Variants in STIM2 observed in about 807,000 individuals in gnomAD.
STIM2 encodes stromal interaction molecule 2.
STIM2 carries 31 observed loss-of-function variants against 85.8 expected under a neutral mutation model. The observed-to-expected ratio is 0.36, with a 90% confidence interval of 0.27 to 0.49. The LOEUF is 0.49. Among genes scored for constraint, STIM2 ranks in the 20% least tolerant of loss-of-function variants. The pLI is 0.98. For synonymous variants in STIM2, 356 were observed against 331.1 expected (o/e 1.08, Z -0.82); for missense variants, 841 against 927.6 (o/e 0.91, Z 1.21).
chr4:27,002,541 A>G (rs953611145), intron 6 of STIM2, 147 bp downstream of exon 6: 1 of 571,712 alleles, frequency 1.7e-6, no homozygotes, highest in South Asian at 3.5e-5. Context: ...TTAGAAAAGT[A>G]TACTTTTATA....
chr4:27,003,080 G>T lies in STIM2; in HGVS notation c.957G>T (p.Gln319His). 6.3e-7 allele frequency: 1 copy of T among 1,586,124 alleles called. No homozygotes were observed. The highest frequency in any genetic ancestry group is 2.3e-5 in the East Asian group (1 of 42,676). ...CTGAATGTGAATTGAGTAGACGTCA[G>T]TATGCAGAACAGGAATTGGAACAGG... The change falls in exon 7 of 12, where the codon CAG becomes CAT. Residue 319 changes from glutamine to histidine, a missense_variant. Coordinates refer to ENST00000467087, the MANE Select transcript of STIM2 (RefSeq NM_020860.4).
chr4:26,947,867 A>T (rs969294719), intron 2 of STIM2, among the ~76,000 whole-genome samples: 1 of 152,232 alleles, frequency 6.6e-6, no homozygotes, highest in South Asian at 2.1e-4. Flanking sequence ...CAAAAGCCTT[A>T]TAATCGTATG....
In STIM2 at chr4:27,022,665, G is replaced by A. The variant is rs772725492; in HGVS notation, c.1910G>A (p.Arg637Gln). 66 of 1,614,060 alleles carry A rather than the reference G, an allele frequency of 4.1e-5. 1 individual carries two copies. Among genetic ancestry groups the A allele is most frequent in the Admixed American group, 1.8e-4 (11 of 60,008 alleles). Residue 637 changes from arginine to glutamine, a missense_variant, in exon 12 of 12, where the codon CGA (arginine) becomes CAA (glutamine). By Grantham distance (43) the Arg-to-Gln change is conservative. Around this residue, in one of 3 missense-constraint regions of STIM2, gnomAD observed 293 missense variants for 284.5 expected, o/e 1.03. Coordinates refer to ENST00000467087, the MANE Select transcript of STIM2 (RefSeq NM_020860.4). ...GAGGTGTCCCTAGAGGATTCCTCCC[G>A]AGGGGATTCGCCTGTAACTGTGGAT...
At chr4:26,992,705 C>T (rs1727810298) in intron 3 of STIM2, among the ~76,000 whole-genome samples, 2 of 152,022 alleles carry the variant, frequency 1.3e-5, no homozygotes, top group African/African-American at 2.4e-5. Context: ...ATAGTATGAT[C>T]TGTCCTAAGA....
At chr4:26,905,679 T>C (rs942109184) in intron 1 of STIM2, among the ~76,000 whole-genome samples, 4 of 152,226 alleles carry the variant, frequency 2.6e-5, no homozygotes, top group Non-Finnish European at 5.9e-5. Flanking sequence ...TAGAAAAATA[T>C]AAATCGGCTA....
intron 3 of STIM2, among the ~76,000 whole-genome samples, chr4:26,989,772 A>T (rs546516814): frequency 1.3e-5 from 2 of 152,336 alleles, no homozygotes; most frequent in Non-Finnish European, 2.9e-5. Context: ...AAGTTACAGG[A>T]TACAAAATCA....
chr4:26,868,223 A>C (rs1471032818), intron 1 of STIM2, among the ~76,000 whole-genome samples: 8 of 152,206 alleles, frequency 5.3e-5, no homozygotes, highest in Non-Finnish European at 1.0e-4. Context: ...TGGCAAGCGC[A>C]GTTTACTTGG....
intron 1 of STIM2, among the ~76,000 whole-genome samples, chr4:26,887,183 CTTT>C (rs34736602): frequency 1.1e-4 from 8 of 70,938 alleles, no homozygotes; most frequent in Admixed American, 1.9e-4. Flanking sequence ...AATAATTAAA[CTTT>C]TTTTTTTTTT....
intron 3 of STIM2, among the ~76,000 whole-genome samples, chr4:26,973,747 A>G (rs892132847): frequency 3.3e-5 from 5 of 152,320 alleles, no homozygotes; most frequent in African/African-American, 2.4e-5. Flanking sequence ...GTAGATGTCT[A>G]TTAGGTCCGC....
chr4:26,959,863 G>A (rs1726384850), intron 3 of STIM2, among the ~76,000 whole-genome samples: 1 of 152,048 alleles, frequency 6.6e-6, no homozygotes, highest in African/African-American at 2.4e-5. Flanking sequence ...TCTCCTCTCT[G>A]CTTCCTTTTC....
chr4:26,905,804 T>C (rs1053220979), intron 1 of STIM2, among the ~76,000 whole-genome samples: 2 of 152,166 alleles, frequency 1.3e-5, no homozygotes, highest in African/African-American at 4.8e-5. Context: ...ACAAAACACA[T>C]ACATTAAGAA....
intron 3 of STIM2, among the ~76,000 whole-genome samples, chr4:26,964,216 C>T (rs973790642): frequency 1.3e-5 from 2 of 152,116 alleles, no homozygotes; most frequent in Non-Finnish European, 2.9e-5. Flanking sequence ...CACTCATATT[C>T]CAGTGCTTAC....
chr4:26,992,491 A>G (rs998487013), intron 3 of STIM2, among the ~76,000 whole-genome samples: 15 of 152,182 alleles, frequency 9.9e-5, no homozygotes, highest in Non-Finnish European at 8.8e-5. Context: ...GAGGAGTTCA[A>G]GAGATCAGCC....
chr4:26,936,687 T>TA (rs2109078632), intron 2 of STIM2, among the ~76,000 whole-genome samples: 1 of 152,366 alleles, frequency 6.6e-6, no homozygotes, highest in East Asian at 1.9e-4. Flanking sequence ...AACCTACTTA[T>TA]AAACTGAGAA....
At chr4:26,916,296 C>T (rs1724577366) in intron 1 of STIM2, among the ~76,000 whole-genome samples, 1 of 152,142 alleles carries the variant, frequency 6.6e-6, no homozygotes, top group Non-Finnish European at 1.5e-5. Context: ...TCACTGTTGC[C>T]ATAACTTCAA....
At chr4:27,022,048 G>A (rs1482981590) in intron 11 of STIM2, among the ~76,000 whole-genome samples, 4 of 152,014 alleles carry the variant, frequency 2.6e-5, no homozygotes, top group South Asian at 2.1e-4. Context: ...TTACATTTTA[G>A]TGTAATTCCT....
chr4:26,952,042 A>T (rs1726072534), intron 2 of STIM2, among the ~76,000 whole-genome samples: 1 of 152,150 alleles, frequency 6.6e-6, no homozygotes, highest in Non-Finnish European at 1.5e-5. Flanking sequence ...AGACCATCAG[A>T]TCTTGTGAGA....
intron 3 of STIM2, among the ~76,000 whole-genome samples, chr4:26,971,783 A>G (rs775971780): frequency 1.1e-4 from 16 of 152,266 alleles, no homozygotes; most frequent in Non-Finnish European, 2.2e-4. Flanking sequence ...GAAGAAAGTC[A>G]TTGGTAGCTT....
intron 1 of STIM2, among the ~76,000 whole-genome samples, chr4:26,867,039 A>G (rs1291503124): frequency 6.6e-6 from 1 of 152,126 alleles, no homozygotes; most frequent in Non-Finnish European, 1.5e-5. Flanking sequence ...CAATGAGGAG[A>G]TAACAGAGAT....
Sources: allele counts gnomAD v4.1 joint callset (sites outside exome capture counted in the v4.1 genomes callset), GRCh38; gene constraint gnomAD v4.1.1; regional missense constraint gnomAD v4.1.1; transcripts MANE v1.5; gene names NCBI Gene and HGNC (gene_info 2026-07-23, HGNC 2026-07-21).